Variants in OPTC observed in about 807,000 individuals in gnomAD.
The protein encoded by OPTC is oculoglycan.
Under a neutral mutation model 25.4 loss-of-function variants are expected in OPTC, and 22 were observed. The observed-to-expected ratio is 0.87, with a 90% CI of 0.62 to 1.24. OPTC has a LOEUF of 1.24. OPTC is among the 50% of genes most tolerant of loss of function. The pLI is 0.00. For synonymous variants in OPTC, 169 were observed against 179.3 expected (o/e 0.94, Z 0.46); for missense variants, 417 against 425.2 (o/e 0.98, Z 0.17).
intron 1 of OPTC, among the ~76,000 whole-genome samples, chr1:203,495,637 T>C (rs1278788745): frequency 6.6e-6 from 1 of 152,236 alleles, no homozygotes; most frequent in Non-Finnish European, 1.5e-5. Context: ...GACATCTGTG[T>C]GCATGCACCA....
intron 1 of OPTC, among the ~76,000 whole-genome samples, chr1:203,495,179 T>A (rs1661257514): frequency 6.6e-6 from 1 of 152,088 alleles, no homozygotes; most frequent in Admixed American, 6.6e-5. Flanking sequence ...TAGACACCCA[T>A]AAATGTTTGT....
chr1:203,503,728 CCCTTCCACT>C lies in OPTC; in HGVS notation c.*12_*20del, dbSNP rs2102224811. On this transcript the variant is annotated 3_prime_UTR_variant, in exon 7 of 8. Coordinates refer to ENST00000367222, the MANE Select transcript of OPTC (RefSeq NM_014359.4). ...ATCGGCCGCTTCACGTAGCTCGGAG[CCCTTCCACT>C]CCTCCCAGGTAAGAACCCTCCAAGG... 3 of 1,602,582 alleles carry C rather than the reference CCCTTCCACT, an allele frequency of 1.9e-6. No homozygotes were observed. In the East Asian group the frequency reaches 6.7e-5, roughly 36 times the overall value.
At chr1:203,505,137 C>T (rs758310899) in intron 7 of OPTC, among the ~76,000 whole-genome samples, 4 of 152,132 alleles carry the variant, frequency 2.6e-5, no homozygotes, top group South Asian at 2.1e-4. Flanking sequence ...CACTTACTCA[C>T]GCAGGAGGAT....
At chr1:203,499,369 G>A (rs921058124) in intron 4 of OPTC, among the ~76,000 whole-genome samples, 3 of 152,118 alleles carry the variant, frequency 2.0e-5, no homozygotes, top group African/African-American at 4.8e-5. Flanking sequence ...TCCTGGGCCT[G>A]TTGGTTCTCG....
At position 203,503,765 on chromosome 1, in the gene OPTC, C is replaced by A. The variant is rs1255875981; in HGVS notation, c.*25+20C>A. 3 of 1,578,174 alleles carry A rather than the reference C, an allele frequency of 1.9e-6. No individual in the cohort carries two copies. Among genetic ancestry groups the A allele is most frequent in the African/African-American group, 2.7e-5 (2 of 74,294 alleles). On this transcript the variant is annotated intron_variant, in intron 7 of 7. Coordinates refer to ENST00000367222, the MANE Select transcript of OPTC (RefSeq NM_014359.4). Reference sequence around the variant, plus strand: ...TCCCAGGTAAGAACCCTCCAAGGACCATGCAGGCATGGGCCTCCAGCCATA... The same window carrying A: ...TCCCAGGTAAGAACCCTCCAAGGACAATGCAGGCATGGGCCTCCAGCCATA...
intron 7 of OPTC, among the ~76,000 whole-genome samples, chr1:203,504,696 G>A (rs563391221): frequency 6.6e-6 from 1 of 152,280 alleles, no homozygotes; most frequent in East Asian, 1.9e-4. Flanking sequence ...TAAGGATGGA[G>A]AACTGACACG....
chr1:203,503,880 G>A (rs1270916934), intron 7 of OPTC, 135 bp downstream of exon 7: 6 of 762,688 alleles, frequency 7.9e-6, no homozygotes, highest in Admixed American at 4.1e-5. Context: ...ACATGCACAC[G>A]CATGCATACA....
chr1:203,500,528 A>G (rs61827978), intron 5 of OPTC, among the ~76,000 whole-genome samples: 32,249 of 150,398 alleles, frequency 0.21, 3,685 homozygotes, highest in Non-Finnish European at 0.27. Context: ...CACCTCCATC[A>G]CCACCACCCA....
At chr1:203,494,584 G>A (rs573926723) in intron 1 of OPTC, among the ~76,000 whole-genome samples, 1 of 152,152 alleles carries the variant, frequency 6.6e-6, no homozygotes, top group Non-Finnish European at 1.5e-5. Flanking sequence ...AGGAGGTTAA[G>A]GCTTCAGTGA....
intron 7 of OPTC, among the ~76,000 whole-genome samples, chr1:203,507,633 T>C (rs891274504): frequency 7.9e-5 from 12 of 152,184 alleles, no homozygotes; most frequent in African/African-American, 2.4e-4. Flanking sequence ...ACCTGTCCTA[T>C]GAGTATCAGC....
At position 203,506,145 on chromosome 1, in the gene OPTC, C is replaced by CTTTTT. The variant is rs78639556; in HGVS notation, c.*25+2402_*25+2406dup. On this transcript the variant is annotated intron_variant, in intron 7 of 7. Coordinates refer to ENST00000367222, the MANE Select transcript of OPTC (RefSeq NM_014359.4). The stretch of plus-strand genomic sequence containing the variant: ...ATCCTGGATTGAGGAATCCAATTTT[C>CTTTTT]TTTTTTCTTTTTTTTTTTTTTTTGA... Among the ~76,000 whole-genome samples the CTTTTT allele has an allele frequency of 1.2e-4, 11 of 89,458 alleles. 1 individual carries two copies. Among genetic ancestry groups the CTTTTT allele is most frequent in the East Asian group, 2.9e-4 (1 of 3,462 alleles). The allele number at this position is 89,458 out of a possible 152,430, so 58.7% of individuals were successfully genotyped here. A position where few individuals can be genotyped will look rare whatever the true frequency, so the allele number is the denominator to read the frequency against.
chr1:203,502,446 C>T (rs1432490622), intron 5 of OPTC, among the ~76,000 whole-genome samples: 1 of 152,112 alleles, frequency 6.6e-6, no homozygotes, highest in Non-Finnish European at 1.5e-5. Flanking sequence ...TGTGGGGTCT[C>T]CTTTATTGGA....
At chr1:203,507,317 C>T (rs1167232764) in intron 7 of OPTC, among the ~76,000 whole-genome samples, 2 of 152,180 alleles carry the variant, frequency 1.3e-5, no homozygotes, top group African/African-American at 4.8e-5. Context: ...TGCAAGCCAG[C>T]CCTGAGAGAG....
At chr1:203,507,082 AG>A (rs1471707490) in intron 7 of OPTC, among the ~76,000 whole-genome samples, 2 of 152,210 alleles carry the variant, frequency 1.3e-5, no homozygotes, top group Non-Finnish European at 2.9e-5. Context: ...CCTCTGCACC[AG>A]GGAGGGAAGG....
chr1:203,498,926 C>G (rs1365975026), intron 4 of OPTC, 87 bp downstream of exon 4: 1 of 1,427,056 alleles, frequency 7.0e-7, no homozygotes, highest in Non-Finnish European at 9.8e-7. Context: ...TGTGTTAGTG[C>G]CCCCCGTGTT....
chr1:203,508,260 T>C (rs1296899870), intron 7 of OPTC, among the ~76,000 whole-genome samples: 1 of 152,056 alleles, frequency 6.6e-6, no homozygotes, highest in Non-Finnish European at 1.5e-5. Flanking sequence ...CCAAAATGCT[T>C]TGAAAAGCAA....
chr1:203,506,442 C>G (rs1481335566), intron 7 of OPTC, among the ~76,000 whole-genome samples: 1 of 151,374 alleles, frequency 6.6e-6, no homozygotes, highest in Non-Finnish European at 1.5e-5. Context: ...TGAGCCACCA[C>G]TCCTGGCCGA....
intron 3 of OPTC, 118 bp downstream of exon 3, chr1:203,497,233 C>A: frequency 9.8e-7 from 1 of 1,017,982 alleles, no homozygotes; most frequent in Non-Finnish European, 1.5e-6. Context: ...AGGGTCAGGG[C>A]TACCCTTACT....
intron 5 of OPTC, 55 bp from the exon 6 acceptor site, chr1:203,502,859 C>T: frequency 7.2e-7 from 1 of 1,394,792 alleles, no homozygotes; most frequent in Non-Finnish European, 1.0e-6. Context: ...GCCCTCCTCA[C>T]TGCCAGGGTC....
Sources: allele counts gnomAD v4.1 joint callset (sites outside exome capture counted in the v4.1 genomes callset), GRCh38; gene constraint gnomAD v4.1.1; transcripts MANE v1.5; gene names NCBI Gene and HGNC (gene_info 2026-07-23, HGNC 2026-07-21).